Variants in ARMC2 observed in about 807,000 individuals in gnomAD.
The protein encoded by ARMC2 is armadillo repeat containing 2.
In ARMC2, 67 loss-of-function variants were observed where a neutral mutation model predicts 90.3. That is an observed-to-expected ratio of 0.74 (90% CI 0.61 to 0.91). The LOEUF is 0.91. Ranked by LOEUF, ARMC2 falls within the 40% of genes least tolerant of loss-of-function variation. ARMC2 has a pLI of 0.00. For synonymous variants in ARMC2, 393 were observed against 393.0 expected, an observed-to-expected ratio of 1.00 and a Z score of 0.00; for missense variants, 920 against 1,030.9, an observed-to-expected ratio of 0.89 and a Z score of 1.47.
chr6:108,880,815 T>C (rs1473928512), intron 5 of ARMC2, among the ~76,000 whole-genome samples: 7 of 150,030 alleles, frequency 4.7e-5, no homozygotes, highest in Non-Finnish European at 1.0e-4. Flanking sequence ...TCTTCCTGTG[T>C]TCCCTTTTCT....
the ARMC2 span, among the ~76,000 whole-genome samples, chr6:108,989,755 G>A: frequency 6.6e-6 from 1 of 152,170 alleles, no homozygotes; most frequent in Non-Finnish European, 1.5e-5. Flanking sequence ...ACTTAGGAGA[G>A]CCTATCCTGC....
At chr6:109,036,602 A>G in the ARMC2 span, among the ~76,000 whole-genome samples, 3 of 152,216 alleles carry the variant, frequency 2.0e-5, no homozygotes, top group African/African-American at 7.2e-5. Context: ...AGTTCTTAAT[A>G]CACTATAATA....
At chr6:108,913,018 G>T (rs368448559) in intron 10 of ARMC2, among the ~76,000 whole-genome samples, 1 of 152,176 alleles carries the variant, frequency 6.6e-6, no homozygotes, top group South Asian at 2.1e-4. Context: ...ATATCAGGCA[G>T]CCCCGAGACT....
At chr6:108,984,580 C>T in the ARMC2 span, among the ~76,000 whole-genome samples, 1 of 152,194 alleles carries the variant, frequency 6.6e-6, no homozygotes, top group East Asian at 1.9e-4. Context: ...CAACATACAT[C>T]AACATACAAA....
At position 108,910,947 on chromosome 6, in the gene ARMC2, A is replaced by T. The variant is rs1773364364; in HGVS notation, c.1072A>T (p.Lys358Ter). Residue 358 changes from lysine (K) to a stop codon, truncating the protein, a stop_gained, in exon 9 of 18, where the codon AAA becomes TAA. Coordinates refer to ENST00000392644, the MANE Select transcript of ARMC2 (RefSeq NM_032131.6). LOFTEE classifies it high-confidence loss of function. ...TCTTAATGTCTGCAAACTTATATTT[A>T]AAATTAGCAGGAATGAGAAGAATGA... ...NLLNVCKLIFKISRNEKNDSL... is the reference protein window; with the variant it reads ...NLLNVCKLIF 2 of 1,584,560 alleles carry T rather than the reference A, an allele frequency of 1.3e-6. No individual in the cohort carries two copies. The highest frequency in any genetic ancestry group is 1.3e-5 in the African/African-American group (1 of 74,470).
chr6:108,967,283 C>T (rs1440249635), intron 17 of ARMC2, among the ~76,000 whole-genome samples: 1 of 152,216 alleles, frequency 6.6e-6, no homozygotes, highest in African/African-American at 2.4e-5. Context: ...CCAGGGCTTT[C>T]CCGCATAGGC....
chr6:108,950,372 G>A (rs1260921687), intron 12 of ARMC2, among the ~76,000 whole-genome samples: 1 of 152,142 alleles, frequency 6.6e-6, no homozygotes, highest in Non-Finnish European at 1.5e-5. Flanking sequence ...TGGAATCAAC[G>A]TAAATGTCTA....
intron 5 of ARMC2, chr6:108,880,070 T>C: frequency 5.1e-6 from 2 of 392,858 alleles, no homozygotes; most frequent in Non-Finnish European, 1.0e-5. Context: ...AGTAATCCAA[T>C]GAAAGCAGCA....
At chr6:108,981,453 C>T in the ARMC2 span, among the ~76,000 whole-genome samples, 4 of 152,278 alleles carry the variant, frequency 2.6e-5, no homozygotes, top group African/African-American at 7.2e-5. Flanking sequence ...TGACGCTATA[C>T]GCACCAAACA....
intron 17 of ARMC2, among the ~76,000 whole-genome samples, chr6:108,972,076 C>CT (rs1778804563): frequency 1.3e-5 from 2 of 152,188 alleles, no homozygotes; most frequent in Admixed American, 1.3e-4. Flanking sequence ...TTTCTGAAGT[C>CT]TGTCACACAG....
intron 13 of ARMC2, among the ~76,000 whole-genome samples, chr6:108,953,619 T>C (rs1303008043): frequency 6.6e-6 from 1 of 152,240 alleles, no homozygotes; most frequent in Non-Finnish European, 1.5e-5. Context: ...AATTTTATGG[T>C]TTGTGAATTA....
rs773711515 is a variant in ARMC2, at chr6:108,965,096, A to G, written c.2402A>G (p.Asn801Ser). 9 of 1,613,726 alleles carry G rather than the reference A, an allele frequency of 5.6e-6. No homozygotes were observed. In the East Asian group the frequency reaches 2.0e-4, roughly 36 times the overall value. ...NITNASSCFG[N>S]EDTNTLLLLL... The stretch of plus-strand genomic sequence containing the variant: ...ACTAATGCTTCGTCATGTTTTGGAA[A>G]TGAAGACACCAACACACTCTTACTC... The change falls in exon 17 of 18, where the codon AAT becomes AGT. Residue 801 changes from asparagine to serine, a missense_variant. By Grantham distance (46) the Asn-to-Ser change is conservative. Transcript: ENST00000392644.
Position 108,962,052 on chromosome 6 carries a change from A to G in ARMC2, c.2077A>G (p.Ile693Val). The change falls in exon 15 of 18, where the codon ATC (isoleucine) becomes GTC (valine). Residue 693 changes from isoleucine to valine, a missense_variant. Coordinates refer to ENST00000392644, the MANE Select transcript of ARMC2 (RefSeq NM_032131.6). ...KLLVSNNMDGILEAVRVFGNL... is the reference protein window; with the variant it reads ...KLLVSNNMDGVLEAVRVFGNL... ...TCTTGTCAGTAACAACATGGATGGA[A>G]TCCTGGAGGCTGTGCGTGTTTTCGG... 1 of 1,613,516 alleles carries G rather than the reference A, an allele frequency of 6.2e-7. No individual in the cohort carries two copies. Among genetic ancestry groups the G allele is most frequent in the Non-Finnish European group, 8.5e-7 (1 of 1,179,746 alleles).
Position 108,858,140 on chromosome 6 carries a change from AC to A in ARMC2, c.219-58del, listed in dbSNP as rs1774843779. On this transcript the variant is annotated intron_variant, in intron 2 of 17. Transcript: ENST00000392644. ...TTTTAGCTAGGGTTAACTAATATAT[AC>A]TATAAATAAAGAAATAATTCTTCAC... is the stretch of plus-strand genomic sequence containing the variant. 2.9e-6 allele frequency: 4 copies of A among 1,371,300 alleles called. No homozygotes were observed. In the East Asian group the frequency reaches 1.0e-4, roughly 34 times the overall value. 84.9% of individuals were successfully genotyped at this position (1,371,300 alleles called of 1,614,324 possible).
intron 6 of ARMC2, among the ~76,000 whole-genome samples, chr6:108,896,251 C>G (rs1250289617): frequency 6.6e-6 from 1 of 152,112 alleles, no homozygotes; most frequent in African/African-American, 2.4e-5. Flanking sequence ...ACCACTGAGA[C>G]AGCAAAATCT....
intron 5 of ARMC2, among the ~76,000 whole-genome samples, chr6:108,886,324 A>G (rs1200870129): frequency 6.6e-6 from 1 of 152,180 alleles, no homozygotes; most frequent in Admixed American, 6.5e-5. Context: ...TTGGGAGGCC[A>G]AGGTGGGCGA....
At chr6:108,897,981 C>T (rs1771764646) in intron 6 of ARMC2, among the ~76,000 whole-genome samples, 1 of 152,044 alleles carries the variant, frequency 6.6e-6, no homozygotes, top group Non-Finnish European at 1.5e-5. Context: ...AATAAGAATG[C>T]ATTAGAGGCA....
At chr6:109,018,851 C>T in the ARMC2 span, among the ~76,000 whole-genome samples, 1 of 152,070 alleles carries the variant, frequency 6.6e-6, no homozygotes, top group African/African-American at 2.4e-5. Flanking sequence ...TTTCTCTGAA[C>T]ATGTAGAGCA....
chr6:108,927,277 C>CT (rs1775180788), intron 10 of ARMC2, among the ~76,000 whole-genome samples: 1 of 152,176 alleles, frequency 6.6e-6, no homozygotes, highest in Non-Finnish European at 1.5e-5. Flanking sequence ...ATTCACACAT[C>CT]TTATCTCATA....
Sources: allele counts gnomAD v4.1 joint callset (sites outside exome capture counted in the v4.1 genomes callset), GRCh38; gene constraint gnomAD v4.1.1; transcripts MANE v1.5; gene names NCBI Gene and HGNC (gene_info 2026-07-23, HGNC 2026-07-21).